The following INPP4B variants were observed in gnomAD, a reference collection of about 807,000 sequenced individuals.
The protein encoded by INPP4B is inositol polyphosphate 4-phosphatase type II.
A neutral mutation model predicts 122.5 loss-of-function variants in INPP4B; 55 were observed. The observed-to-expected ratio is 0.45, with a 90% confidence interval of 0.36 to 0.56. The LOEUF (loss-of-function observed/expected upper bound fraction) is 0.56, where lower values mean the gene tolerates loss of function less well. INPP4B is among the 20% of genes least tolerant of loss of function. The pLI is 0.00. For synonymous variants in INPP4B, 403 were observed against 388.7 expected, an observed-to-expected ratio of 1.04 and a Z score of -0.43; for missense variants, 1,000 against 1,097.7, an observed-to-expected ratio of 0.91 and a Z score of 1.26.
At chr4:142,713,928 G>C (rs1338580768) in intron 2 of INPP4B, among the ~76,000 whole-genome samples, 1 of 152,176 alleles carries the variant, frequency 6.6e-6, no homozygotes, top group Admixed American at 6.5e-5. Context: ...GCATTTTACA[G>C]TGTGCTTCAT....
intron 25 of INPP4B, 68 bp from the exon 26 acceptor site, chr4:142,028,982 T>C: frequency 3.9e-6 from 6 of 1,520,186 alleles, no homozygotes; most frequent in Non-Finnish European, 5.3e-6. Flanking sequence ...ATTTGTTTAA[T>C]GCAGAGTTGC....
intron 8 of INPP4B, among the ~76,000 whole-genome samples, chr4:142,309,964 G>C (rs1907105): frequency 0.35 from 53,497 of 151,948 alleles, 10,413 homozygotes; most frequent in South Asian, 0.48. Context: ...CAGATATCCA[G>C]ACTGCTCACT....
intron 2 of INPP4B, among the ~76,000 whole-genome samples, chr4:142,606,053 C>T (rs1741188699): frequency 6.6e-6 from 1 of 151,866 alleles, no homozygotes; most frequent in African/African-American, 2.4e-5. Flanking sequence ...CAATAGAATA[C>T]TATTGGGCAA....
intron 2 of INPP4B, among the ~76,000 whole-genome samples, chr4:142,511,518 T>A (rs1473252758): frequency 1.3e-5 from 2 of 152,094 alleles, no homozygotes; most frequent in African/African-American, 4.8e-5. Context: ...AAAGTAAGTA[T>A]TTTTTTGGAA....
chr4:142,192,354 A>AAAAAAAAAAAAAAAAAAAAAAAG lies in INPP4B; in HGVS notation c.1181+732_1181+733insCTTTTTTTTTTTTTTTTTTTTTT, dbSNP rs148371542. ...AAAGTAAAAAAAAAAAAAAAAAAAA[A>AAAAAAAAAAAAAAAAAAAAAAAG]TGGGATTCTTAAGAAGAATAACTAT... On this transcript the variant is annotated intron_variant, in intron 15 of 25. Transcript: ENST00000262992. Among the ~76,000 whole-genome samples the AAAAAAAAAAAAAAAAAAAAAAAG allele has an allele frequency of 7.8e-4, 57 of 73,178 alleles. 8 individuals are homozygous for AAAAAAAAAAAAAAAAAAAAAAAG. The highest frequency in any genetic ancestry group is 1.1e-3 in the Non-Finnish European group (41 of 35,796). The allele number at this position is 73,178 out of a possible 152,430, so 48.0% of individuals were successfully genotyped here. A position where few individuals can be genotyped will look rare whatever the true frequency, so the allele number is the denominator to read the frequency against.
At chr4:142,038,542 G>A (rs1412359239) in intron 25 of INPP4B, among the ~76,000 whole-genome samples, 2 of 152,156 alleles carry the variant, frequency 1.3e-5, no homozygotes. Flanking sequence ...CTACCCACAT[G>A]TGTACTTTTC....
At chr4:142,099,392 A>G (rs891431763) in intron 23 of INPP4B, among the ~76,000 whole-genome samples, 2 of 152,146 alleles carry the variant, frequency 1.3e-5, no homozygotes, top group South Asian at 2.1e-4. Context: ...TGTTTTAAAT[A>G]AAATATGCAA....
chr4:142,066,472 T>C (rs1404395826), intron 25 of INPP4B, among the ~76,000 whole-genome samples: 1 of 152,208 alleles, frequency 6.6e-6, no homozygotes, highest in African/African-American at 2.4e-5. Context: ...GAGTTTCTGG[T>C]CCAGTAGTTC....
chr4:142,339,341 T>G (rs562287572), intron 7 of INPP4B, among the ~76,000 whole-genome samples: 5 of 152,262 alleles, frequency 3.3e-5, no homozygotes, highest in African/African-American at 1.2e-4. Flanking sequence ...AAACAAAGCA[T>G]TAAGGTAGAT....
At chr4:142,097,412 G>T (rs1782429740) in intron 23 of INPP4B, among the ~76,000 whole-genome samples, 1 of 150,804 alleles carries the variant, frequency 6.6e-6, no homozygotes, top group South Asian at 2.1e-4. Flanking sequence ...CTGCAACCAT[G>T]CCTGGCTAAT....
intron 7 of INPP4B, among the ~76,000 whole-genome samples, chr4:142,363,336 C>A (rs1252823397): frequency 6.6e-6 from 1 of 151,036 alleles, no homozygotes; most frequent in African/African-American, 2.4e-5. Flanking sequence ...GGCATATAAA[C>A]AAATATATAT....
At chr4:142,696,610 G>A (rs1453489759) in intron 2 of INPP4B, among the ~76,000 whole-genome samples, 1 of 152,048 alleles carries the variant, frequency 6.6e-6, no homozygotes, top group Non-Finnish European at 1.5e-5. Context: ...GGTCATCCTG[G>A]CATCTGCAGT....
At chr4:142,333,552 T>C (rs1775491899) in intron 7 of INPP4B, among the ~76,000 whole-genome samples, 1 of 152,210 alleles carries the variant, frequency 6.6e-6, no homozygotes, top group Non-Finnish European at 1.5e-5. Flanking sequence ...AAAATAGGGT[T>C]CTCATATATA....
chr4:142,516,648 G>T (rs567886022), intron 2 of INPP4B, among the ~76,000 whole-genome samples: 1 of 152,084 alleles, frequency 6.6e-6, no homozygotes, highest in Non-Finnish European at 1.5e-5. Context: ...TTTTGTCCTT[G>T]GTATCTTCCT....
chr4:142,244,893 T>A (rs1035612768), intron 11 of INPP4B, among the ~76,000 whole-genome samples: 1 of 151,828 alleles, frequency 6.6e-6, no homozygotes, highest in Admixed American at 6.6e-5. Context: ...AGCATCTGTT[T>A]CCTAACTTTT....
chr4:142,069,796 T>C (rs1243159913), intron 25 of INPP4B, among the ~76,000 whole-genome samples: 1 of 152,052 alleles, frequency 6.6e-6, no homozygotes, highest in African/African-American at 2.4e-5. Context: ...AGAAGTTGAA[T>C]CCCTGAATAG....
intron 13 of INPP4B, 77 bp downstream of exon 13, chr4:142,208,815 AATCT>A: frequency 9.1e-7 from 1 of 1,101,330 alleles, no homozygotes; most frequent in East Asian, 2.7e-5. Flanking sequence ...ATCTACATAA[AATCT>A]ATTTATTATT....
chr4:142,320,374 G>GTGGTAATT (rs1769532712), intron 7 of INPP4B, among the ~76,000 whole-genome samples: 1 of 152,298 alleles, frequency 6.6e-6, no homozygotes, highest in South Asian at 2.1e-4. Context: ...ACACCATGGA[G>GTGGTAATT]TGGTAATTTT....
At chr4:142,754,096 G>T (rs373367082) in intron 1 of INPP4B, among the ~76,000 whole-genome samples, 1 of 152,046 alleles carries the variant, frequency 6.6e-6, no homozygotes, top group African/African-American at 2.4e-5. Context: ...ATTTAATGCC[G>T]TAGATGCCAA....
Sources: gnomAD v4.1 joint callset for allele counts (sites outside exome capture counted in the v4.1 genomes callset) on GRCh38, gnomAD v4.1.1 for gene constraint, MANE v1.5 for transcripts, NCBI Gene and HGNC (gene_info 2026-07-23, HGNC 2026-07-21) for gene names.